PIK3R3: variants seen among roughly 807,000 people sequenced by gnomAD.
PIK3R3 encodes phosphoinositide-3-kinase regulatory subunit 3.
A neutral mutation model predicts 62.9 loss-of-function variants in PIK3R3; 64 were observed. That is an observed-to-expected ratio of 1.02 (90% CI 0.83 to 1.25). The LOEUF (loss-of-function observed/expected upper bound fraction) is 1.25. PIK3R3 is among the 50% of genes most tolerant of loss of function. The pLI, the probability that PIK3R3 is intolerant of heterozygous loss-of-function variation, is 0.00. For missense variants in PIK3R3, 614 were observed against 561.6 expected, an observed-to-expected ratio of 1.09 and a Z score of -0.94; for synonymous variants, 165 against 189.0, an observed-to-expected ratio of 0.87 and a Z score of 1.04.
chr1:46,093,233 T>C (rs1651807191), intron 1 of PIK3R3, among the ~76,000 whole-genome samples: 1 of 152,208 alleles, frequency 6.6e-6, no homozygotes, highest in Non-Finnish European at 1.5e-5. Context: ...CTAGAGATCA[T>C]AAACTAGTAG....
At chr1:46,087,257 A>C (rs952500941) in intron 1 of PIK3R3, among the ~76,000 whole-genome samples, 8 of 152,086 alleles carry the variant, frequency 5.3e-5, no homozygotes, top group African/African-American at 1.9e-4. Context: ...CTAGAACTTA[A>C]AGTATAATAA....
chr1:46,155,533 A>G, the PIK3R3 span, among the ~76,000 whole-genome samples: 2 of 151,834 alleles, frequency 1.3e-5, no homozygotes, highest in Non-Finnish European at 2.9e-5. Flanking sequence ...TGCAGCCTCA[A>G]TCTACCAAAG....
At chr1:46,104,301 T>A (rs755510067) in intron 1 of PIK3R3, among the ~76,000 whole-genome samples, 8 of 152,232 alleles carry the variant, frequency 5.3e-5, no homozygotes, top group South Asian at 2.1e-4. Context: ...GTAGATTTTT[T>A]AAATCACTAA....
At chr1:46,119,329 A>T (rs145180564) in intron 1 of PIK3R3, among the ~76,000 whole-genome samples, 233 of 152,360 alleles carry the variant, frequency 1.5e-3, no homozygotes, top group African/African-American at 5.3e-3. Flanking sequence ...TGTTCTAGGT[A>T]CCACACTAAG....
the PIK3R3 span, among the ~76,000 whole-genome samples, chr1:46,141,338 T>G: frequency 6.8e-3 from 1,037 of 152,288 alleles, 14 homozygotes; most frequent in African/African-American, 0.024. Flanking sequence ...TGGCATGATC[T>G]CAGCTCACTG....
intron 3 of PIK3R3, among the ~76,000 whole-genome samples, chr1:46,076,595 A>G (rs1650087948): frequency 6.6e-6 from 1 of 152,216 alleles, no homozygotes; most frequent in Admixed American, 6.5e-5. Context: ...AAACTAAAAT[A>G]GTGCCTCCAA....
At chr1:46,070,944 C>G (rs1192607931) in intron 3 of PIK3R3, among the ~76,000 whole-genome samples, 1 of 152,096 alleles carries the variant, frequency 6.6e-6, no homozygotes, top group African/African-American at 2.4e-5. Flanking sequence ...TACTATTTAC[C>G]AATTTAAAAA....
At chr1:46,098,562 T>C (rs1652360898) in intron 1 of PIK3R3, among the ~76,000 whole-genome samples, 1 of 152,172 alleles carries the variant, frequency 6.6e-6, no homozygotes, top group East Asian at 1.9e-4. Flanking sequence ...CTTGAAAACA[T>C]TATGCTAAGT....
chr1:46,143,883 A>G, the PIK3R3 span, among the ~76,000 whole-genome samples: 1 of 152,148 alleles, frequency 6.6e-6, no homozygotes, highest in Non-Finnish European at 1.5e-5. Flanking sequence ...GTTGAACATT[A>G]GAACTTACAT....
At position 46,043,504 on chromosome 1, in the gene PIK3R3, C is replaced by A; in HGVS notation, c.*169G>T. 1.6e-6 allele frequency: 1 copy of A among 614,852 alleles called. No homozygotes were observed. Among genetic ancestry groups the A allele is most frequent in the Non-Finnish European group, 2.9e-6 (1 of 346,580 alleles). The allele number at this position is 614,852 out of a possible 1,614,324, so 38.1% of individuals were successfully genotyped here. ...GGCTGAGTCCTAGAGAACCTCAGGC[C>A]TCTAATGCCCCCATCCCGGCCGGCT... On this transcript the variant is annotated 3_prime_UTR_variant, in exon 10 of 10. Transcript: ENST00000262741.
chr1:46,174,872 C>T, the PIK3R3 span, among the ~76,000 whole-genome samples: 5 of 152,268 alleles, frequency 3.3e-5, no homozygotes, highest in Non-Finnish European at 5.9e-5. Flanking sequence ...GGTAGTATGC[C>T]TTTCTCAGAA....
chr1:46,160,900 C>T, the PIK3R3 span, among the ~76,000 whole-genome samples: 1 of 151,858 alleles, frequency 6.6e-6, no homozygotes, highest in African/African-American at 2.4e-5. Flanking sequence ...ATGGGGAGAC[C>T]GTAACCAAAA....
At chr1:46,061,330 A>G (rs1224896821) in intron 6 of PIK3R3, among the ~76,000 whole-genome samples, 1 of 152,120 alleles carries the variant, frequency 6.6e-6, no homozygotes, top group Non-Finnish European at 1.5e-5. Context: ...CTTTTCTGCT[A>G]TTTCTCTAGT....
At chr1:46,113,484 C>G (rs1233668380) in intron 1 of PIK3R3, among the ~76,000 whole-genome samples, 1 of 151,572 alleles carries the variant, frequency 6.6e-6, no homozygotes, top group Non-Finnish European at 1.5e-5. Flanking sequence ...AGATGGGGGT[C>G]TCACTATGTT....
upstream of PIK3R3, chr1:46,133,010 G>A (rs986342237): frequency 3.8e-6 from 4 of 1,051,784 alleles, no homozygotes; most frequent in African/African-American, 5.2e-5. Context: ...GAGAGGCAAG[G>A]TGGGTGGTGA....
intron 1 of PIK3R3, among the ~76,000 whole-genome samples, chr1:46,110,233 T>A (rs894580367): frequency 2.0e-5 from 3 of 147,344 alleles, no homozygotes; most frequent in African/African-American, 7.5e-5. Flanking sequence ...TGGCTCAGCC[T>A]CCCGAGTAGC....
In PIK3R3 at chr1:46,131,857, C is replaced by G. The variant is rs745643446; in HGVS notation, c.96G>C (p.Met32Ile). Residue 32 changes from methionine (M) to isoleucine (I), a missense_variant, in exon 1 of 10, where the codon ATG (methionine) becomes ATC (isoleucine). Transcript: ENST00000262741. ...TTTTCTCCCAAGTACCTGGAGGATC[C>G]ATTTCAATATAAAATATCAGTTCTG... ...YSTELIFYIE[M>I]DPPALPPKPP... 1 of 1,612,820 alleles carries G rather than the reference C, an allele frequency of 6.2e-7. No individual in the cohort carries two copies. Among genetic ancestry groups the G allele is most frequent in the Admixed American group, 1.7e-5 (1 of 59,972 alleles).
chr1:46,067,253 C>CATATATATATATATATATATATATAT (rs71307629), intron 3 of PIK3R3, among the ~76,000 whole-genome samples, 162 bp from the exon 4 acceptor site: 3 of 130,344 alleles, frequency 2.3e-5, no homozygotes, highest in Non-Finnish European at 3.2e-5. Context: ...TGTGTGTGAA[C>CATATATATATATATATATATATATAT]ATATATATAT....
chr1:46,114,423 T>C (rs567847974), intron 1 of PIK3R3, among the ~76,000 whole-genome samples: 7 of 152,310 alleles, frequency 4.6e-5, no homozygotes, highest in South Asian at 2.1e-4. Context: ...TTAAGTGGGA[T>C]TGACCCCTTC....
Sources: gnomAD v4.1 joint callset for allele counts (sites outside exome capture counted in the v4.1 genomes callset) on GRCh38, gnomAD v4.1.1 for gene constraint, MANE v1.5 for transcripts, NCBI Gene and HGNC (gene_info 2026-07-23, HGNC 2026-07-21) for gene names.